Variants in PRUNE2 observed in about 807,000 individuals in gnomAD.
PRUNE2 encodes the protein protein prune homolog 2.
In PRUNE2, 164 loss-of-function variants were observed where a neutral mutation model predicts 252.0. That is an observed-to-expected ratio of 0.65 (90% CI 0.57 to 0.74). The LOEUF (loss-of-function observed/expected upper bound fraction) is 0.74. Among genes scored for constraint, PRUNE2 ranks in the 30% least tolerant of loss-of-function variants. The pLI, the probability that PRUNE2 is intolerant of heterozygous loss-of-function variation, is 0.00. For synonymous variants in PRUNE2, 1,292 were observed against 1,350.2 expected, an observed-to-expected ratio of 0.96 and a Z score of 0.94; for missense variants, 3,495 against 3,711.0, an observed-to-expected ratio of 0.94 and a Z score of 1.51.
intron 6 of PRUNE2, among the ~76,000 whole-genome samples, chr9:76,816,385 G>A (rs192854357): frequency 1.3e-5 from 2 of 151,820 alleles, no homozygotes; most frequent in Non-Finnish European, 2.9e-5. Context: ...CTTTCATCTC[G>A]GTTACATCTC....
chr9:76,630,625 C>T (rs1456741370), intron 15 of PRUNE2, among the ~76,000 whole-genome samples: 5 of 152,206 alleles, frequency 3.3e-5, no homozygotes, highest in African/African-American at 4.8e-5. Flanking sequence ...CCTGGGTTCA[C>T]GCTATTCTCC....
chr9:76,878,265 G>C (rs1484744198), intron 1 of PRUNE2, among the ~76,000 whole-genome samples: 3 of 152,220 alleles, frequency 2.0e-5, no homozygotes, highest in South Asian at 4.1e-4. Flanking sequence ...GCAGGTGGAA[G>C]AGTCCACTCT....
intron 6 of PRUNE2, among the ~76,000 whole-genome samples, chr9:76,773,780 T>C (rs1191267758): frequency 6.6e-6 from 1 of 152,144 alleles, no homozygotes; most frequent in East Asian, 1.9e-4. Context: ...TGTAAGAATG[T>C]TTTTTTCCCT....
intron 6 of PRUNE2, among the ~76,000 whole-genome samples, chr9:76,719,678 T>C (rs903490547): frequency 1.1e-4 from 17 of 151,968 alleles, no homozygotes; most frequent in African/African-American, 4.1e-4. Flanking sequence ...GTTGGGGTCT[T>C]ACTCTGTCAC....
intron 11 of PRUNE2, among the ~76,000 whole-genome samples, chr9:76,649,757 T>C (rs1018425470): frequency 6.6e-6 from 1 of 152,156 alleles, no homozygotes; most frequent in Non-Finnish European, 1.5e-5. Flanking sequence ...ACACAACTAT[T>C]AAAGAAAATT....
chr9:76,897,390 C>CTTTTTTTT (rs55702049), intron 1 of PRUNE2, among the ~76,000 whole-genome samples: 1 of 56,252 alleles, frequency 1.8e-5, no homozygotes, highest in African/African-American at 6.1e-5. Flanking sequence ...AGGCAAACCT[C>CTTTTTTTT]TTTTTTTTTT....
chr9:76,641,829 G>T, intron 12 of PRUNE2: 2 of 1,024,660 alleles, frequency 2.0e-6, no homozygotes, highest in Non-Finnish European at 2.8e-6. Flanking sequence ...TGTAACACAA[G>T]TTTGCTGGCC....
chr9:76,870,064 T>C (rs944300674), intron 1 of PRUNE2, among the ~76,000 whole-genome samples: 1 of 152,196 alleles, frequency 6.6e-6, no homozygotes, highest in Admixed American at 6.5e-5. Flanking sequence ...TAGAAGAATA[T>C]TTTGTTGCTT....
At chr9:76,838,186 A>G (rs983204019) in intron 4 of PRUNE2, among the ~76,000 whole-genome samples, 2 of 149,668 alleles carry the variant, frequency 1.3e-5, no homozygotes, top group African/African-American at 4.9e-5. Flanking sequence ...ATTATACTGC[A>G]TGCATTTTTG....
At chr9:76,637,285 G>A in intron 14 of PRUNE2, 133 bp downstream of exon 14, 1 of 883,584 alleles carries the variant, frequency 1.1e-6, no homozygotes, top group East Asian at 2.5e-5. Flanking sequence ...TAGCAACTTA[G>A]ACAATTTATT....
chr9:76,658,173 AG>A (rs764699813), intron 9 of PRUNE2, among the ~76,000 whole-genome samples: 15 of 152,204 alleles, frequency 9.9e-5, no homozygotes, highest in Non-Finnish European at 1.8e-4. Context: ...ACCCTGACCA[AG>A]ATGGAGAAAC....
intron 1 of PRUNE2, among the ~76,000 whole-genome samples, chr9:76,905,299 G>A (rs991661374): frequency 5.9e-5 from 9 of 152,206 alleles, no homozygotes; most frequent in African/African-American, 2.2e-4. Context: ...CTGCTCCCGG[G>A]AGAACGATGA....
intron 6 of PRUNE2, among the ~76,000 whole-genome samples, chr9:76,822,983 C>T (rs566914059): frequency 5.3e-5 from 8 of 152,302 alleles, no homozygotes; most frequent in African/African-American, 1.7e-4. Flanking sequence ...TCTACAAATG[C>T]ACAAATGTGC....
intron 6 of PRUNE2, among the ~76,000 whole-genome samples, chr9:76,722,117 G>T (rs559098305): frequency 7.9e-5 from 12 of 152,060 alleles, no homozygotes; most frequent in African/African-American, 2.9e-4. Context: ...GGAGTGCAGT[G>T]GTGTGATCTC....
At chr9:76,823,504 A>C (rs1283574921) in intron 6 of PRUNE2, 128 bp downstream of exon 6, 5 of 662,564 alleles carry the variant, frequency 7.5e-6, no homozygotes, top group Admixed American at 2.2e-5. Context: ...ACTATATTCC[A>C]AGTCAAATGT....
chr9:76,750,503 A>G (rs1000263186), intron 6 of PRUNE2, among the ~76,000 whole-genome samples: 2 of 152,232 alleles, frequency 1.3e-5, no homozygotes, highest in African/African-American at 4.8e-5. Flanking sequence ...TAGTTTTCCT[A>G]TGCATAGTCA....
At chr9:76,716,766 G>A (rs1415820160) in intron 6 of PRUNE2, among the ~76,000 whole-genome samples, 1 of 152,188 alleles carries the variant, frequency 6.6e-6, no homozygotes, top group East Asian at 1.9e-4. Context: ...GTGCCATGGT[G>A]GTTTGCTGCA....
intron 9 of PRUNE2, among the ~76,000 whole-genome samples, chr9:76,670,149 C>G (rs7048491): frequency 0.21 from 31,961 of 152,156 alleles, 3,558 homozygotes; most frequent in Admixed American, 0.29. Flanking sequence ...CTGGGTTCAT[C>G]TCACTAGGGA....
rs779902637 is a variant in PRUNE2 at position 76,705,973 on chromosome 9, C to G, written c.6301G>C (p.Ala2101Pro). 9 of 1,614,008 alleles carry G rather than the reference C, an allele frequency of 5.6e-6. No individual in the cohort carries two copies. The East Asian group carries it at 1.8e-4, about 32-fold the overall frequency. The change falls in exon 8 of 19, where the codon GCT (alanine) becomes CCT (proline). Residue 2101 changes from alanine to proline, a missense_variant. Coordinates refer to ENST00000376718, the MANE Select transcript of PRUNE2 (RefSeq NM_015225.3). ...THCEHDSNSQ[A>P]SDSPDICHDS... ...TGACATATATCAGGGCTGTCGGAAG[C>G]CTGAGAATTGCTGTCATGTTCGCAG...
Sources: gnomAD v4.1 joint callset for allele counts (sites outside exome capture counted in the v4.1 genomes callset) on GRCh38, gnomAD v4.1.1 for gene constraint, MANE v1.5 for transcripts, NCBI Gene and HGNC (gene_info 2026-07-23, HGNC 2026-07-21) for gene names.